BRAP: variants seen among roughly 807,000 people sequenced by gnomAD.
BRAP encodes the protein BRCA1 associated protein.
A neutral mutation model predicts 73.4 loss-of-function variants in BRAP; 42 were observed. The ratio of observed to expected loss-of-function variants is 0.57; its 90% CI spans 0.45 to 0.74. BRAP has a LOEUF of 0.74. BRAP is among the 30% of genes least tolerant of loss of function. The pLI is 0.00. For synonymous variants in BRAP, 255 were observed against 267.4 expected, an observed-to-expected ratio of 0.95 and a Z score of 0.45; for missense variants, 593 against 751.4, an observed-to-expected ratio of 0.79 and a Z score of 2.46.
intron 10 of BRAP, among the ~76,000 whole-genome samples, chr12:111,650,698 T>G (rs779017364): frequency 6.6e-6 from 1 of 152,210 alleles, no homozygotes; most frequent in Non-Finnish European, 1.5e-5. Context: ...TGACCTAATT[T>G]TTGTATTTTT....
In BRAP at chr12:111,643,542, G is replaced by C. The variant is rs890853280; in HGVS notation, c.*657C>G. The C allele has an allele frequency of 6.6e-6, 1 of 152,130 alleles. No individual in the cohort carries two copies. Among genetic ancestry groups the C allele is most frequent in the Non-Finnish European group, 1.5e-5 (1 of 68,036 alleles). The allele number at this position is 152,130 out of a possible 1,614,324, so 9.4% of individuals were successfully genotyped here. On this transcript the variant is annotated 3_prime_UTR_variant, in exon 12 of 12. Transcript: ENST00000419234. ...GCTGCCACCATTTTTCCTACACTGA[G>C]TCTACCCAATGTGCCCCGGGTTGTT...
intron 11 of BRAP, among the ~76,000 whole-genome samples, chr12:111,648,517 C>T (rs1886198411): frequency 6.9e-6 from 1 of 144,850 alleles, no homozygotes; most frequent in African/African-American, 2.6e-5. Flanking sequence ...GAGGCTGAGG[C>T]AGGAGAATCA....
At chr12:111,651,201 AGCAAGTCTC>A (rs1392600975) in intron 10 of BRAP, among the ~76,000 whole-genome samples, 2,194 of 151,134 alleles carry the variant, frequency 0.015, 65 homozygotes, top group African/African-American at 0.051. Context: ...CAGCCTGCCT[AGCAAGTCTC>A]TAATAGCACT....
Position 111,679,321 on chromosome 12 carries a change from CTTTT to C in BRAP, c.459_462del (p.Glu155MetfsTer17). On this transcript the variant is annotated frameshift_variant, in exon 4 of 12. Coordinates refer to ENST00000419234, the MANE Select transcript of BRAP (RefSeq NM_006768.5). LOFTEE classifies it high-confidence loss of function. ...AGCATGGCACTGCGCCGCACATCTT[CTTTT>C]AAGGAGGTCATCTTACTAACAAAAA... The C allele has an allele frequency of 1.9e-6, 3 of 1,542,976 alleles. No individual in the cohort carries two copies. The highest frequency in any genetic ancestry group is 2.6e-6 in the Non-Finnish European group (3 of 1,140,684).
chr12:111,644,689 C>A, intron 11 of BRAP, 127 bp from the exon 12 acceptor site: 1 of 1,380,394 alleles, frequency 7.2e-7, no homozygotes, highest in Non-Finnish European at 9.8e-7. Flanking sequence ...TTTCTCCCAT[C>A]GTGAGGGAGA....
At position 111,685,897 on chromosome 12, in the gene BRAP, T is replaced by C. The variant is rs554711092; in HGVS notation, c.-105A>G. On this transcript the variant is annotated 5_prime_UTR_variant, in exon 1 of 12. Coordinates refer to ENST00000419234, the MANE Select transcript of BRAP (RefSeq NM_006768.5). Reference sequence around the variant, plus strand: ...GCCGGCAGCGCCGCCACCACCTCAATGCAGTTGCCGCCGCCTCAGCAGCAG... The same window carrying C: ...GCCGGCAGCGCCGCCACCACCTCAACGCAGTTGCCGCCGCCTCAGCAGCAG... The C allele has an allele frequency of 1.1e-4, 75 of 665,244 alleles. No homozygotes were observed. The African/African-American group carries it at 1.2e-3, about 11-fold the overall frequency. The allele number at this position is 665,244 out of a possible 1,614,324, so 41.2% of individuals were successfully genotyped here.
intron 11 of BRAP, among the ~76,000 whole-genome samples, chr12:111,645,887 G>C (rs567028030): frequency 5.3e-5 from 8 of 152,252 alleles, no homozygotes; most frequent in African/African-American, 1.9e-4. Context: ...ATTTACAGGA[G>C]GCTGAAGCTG....
At chr12:111,658,990 A>T (rs1254435277) in intron 8 of BRAP, 145 bp from the exon 9 acceptor site, 1 of 790,664 alleles carries the variant, frequency 1.3e-6, no homozygotes, top group African/African-American at 1.8e-5. Flanking sequence ...TGAATTTTAG[A>T]GGGGAGGGAG....
In BRAP at chr12:111,650,028, C is replaced by A; in HGVS notation, c.1326G>T (p.Lys442Asn). ...TCTCAATTGTTTCTTTAAACTTGGT[C>A]TTCATGTTGTTAATCTGAAAGAGCA... ...KDTAEEINNM[K>N]TKFKETIEKC... Residue 442 changes from lysine to asparagine, a missense_variant, in exon 11 of 12, where the codon AAG becomes AAT. Transcript: ENST00000419234. The A allele has an allele frequency of 1.9e-6, 3 of 1,604,844 alleles. No individual in the cohort carries two copies. The South Asian group carries it at 3.3e-5, about 18-fold the overall frequency.
intron 5 of BRAP, among the ~76,000 whole-genome samples, chr12:111,667,719 A>AAAAAAAAAAAAAAAAAAAAAAAAAAAC (rs1887006543): frequency 6.7e-6 from 1 of 148,340 alleles, no homozygotes; most frequent in African/African-American, 2.5e-5. Context: ...AAAAAAAAAA[A>AAAAAAAAAAAAAAAAAAAAAAAAAAAC]AAGCTCATAC....
At chr12:111,653,806 T>C (rs1395776052) in intron 10 of BRAP, among the ~76,000 whole-genome samples, 1 of 152,200 alleles carries the variant, frequency 6.6e-6, no homozygotes, top group Non-Finnish European at 1.5e-5. Flanking sequence ...GCTTGCATCA[T>C]CCATTAACTT....
At chr12:111,651,301 A>C (rs1886314394) in intron 10 of BRAP, among the ~76,000 whole-genome samples, 1 of 152,002 alleles carries the variant, frequency 6.6e-6, no homozygotes, top group Non-Finnish European at 1.5e-5. Flanking sequence ...GCATTTTGGG[A>C]GGCCGAGACG....
At chr12:111,651,622 A>G (rs1421797196) in intron 10 of BRAP, among the ~76,000 whole-genome samples, 2 of 151,706 alleles carry the variant, frequency 1.3e-5, no homozygotes, top group Non-Finnish European at 2.9e-5. Context: ...AACATGGAAG[A>G]AAGATTTCTT....
intron 11 of BRAP, among the ~76,000 whole-genome samples, chr12:111,648,685 T>C (rs1191995674): frequency 6.6e-6 from 1 of 151,062 alleles, no homozygotes; most frequent in Non-Finnish European, 1.5e-5. Flanking sequence ...CCAAGCACTT[T>C]GGGAGGCCAA....
chr12:111,660,502 A>G lies in BRAP; in HGVS notation c.972+98T>C, dbSNP rs1886705514. Reference sequence around the variant, plus strand: ...TGTCTCTTAAAATAAAAAATAAAAAATAAATTAAAAATAAAGAACTTAAGT... The same window carrying G: ...TGTCTCTTAAAATAAAAAATAAAAAGTAAATTAAAAATAAAGAACTTAAGT... On this transcript the variant is annotated intron_variant, in intron 7 of 11. Coordinates refer to ENST00000419234, the MANE Select transcript of BRAP (RefSeq NM_006768.5). The G allele has an allele frequency of 2.1e-5, 22 of 1,062,584 alleles. No individual in the cohort carries two copies. In the South Asian group the frequency reaches 4.1e-4, roughly 20 times the overall value. 65.8% of individuals were successfully genotyped at this position (1,062,584 alleles called of 1,614,324 possible).
At position 111,643,981 on chromosome 12, in the gene BRAP, T is replaced by C; in HGVS notation, c.*218A>G. On this transcript the variant is annotated 3_prime_UTR_variant, in exon 12 of 12. Transcript: ENST00000419234. ...TCATTAGAATGTGAGGTTAGTGAAC[T>C]CTTAAGACCTTTTCGAACGCAGCGC... 3 of 664,582 alleles carry C rather than the reference T, an allele frequency of 4.5e-6. No homozygotes were observed. Among genetic ancestry groups the C allele is most frequent in the Non-Finnish European group, 7.1e-6 (3 of 420,136 alleles). The allele number at this position is 664,582 out of a possible 1,614,324, so 41.2% of individuals were successfully genotyped here. A position where few individuals can be genotyped will look rare whatever the true frequency, so the allele number is the denominator to read the frequency against.
rs750333898 is a variant in BRAP at position 111,679,326 on chromosome 12, A to G, written c.458T>C (p.Leu153Ser). The G allele has an allele frequency of 3.9e-6, 6 of 1,547,290 alleles. No homozygotes were observed. The highest frequency in any genetic ancestry group is 1.4e-5 in the African/African-American group (1 of 73,314). ...HLYKTNKMTS[L>S]KEDVRRSAML... ...GGCACTGCGCCGCACATCTTCTTTT[A>G]AGGAGGTCATCTTACTAACAAAAAA... Residue 153 changes from leucine (L) to serine (S), a missense_variant, in exon 4 of 12, where the codon TTA becomes TCA. Leu to Ser is a moderately radical substitution (Grantham distance 145). Around this residue, in one of 4 missense-constraint regions of BRAP, gnomAD observed 304 missense variants for 337.7 expected, o/e 0.90. Coordinates refer to ENST00000419234, the MANE Select transcript of BRAP (RefSeq NM_006768.5).
chr12:111,655,507 C>T lies in BRAP; in HGVS notation c.1311+59G>A, dbSNP rs1431362277. On this transcript the variant is annotated intron_variant, in intron 10 of 11. Transcript: ENST00000419234. ...TCCCTGTACTCTGCCTTCCACACCC[C>T]CCATCAGAGTGCCCTGCCATGTGTC... The T allele has an allele frequency of 1.1e-5, 15 of 1,362,676 alleles. No homozygotes were observed. In the East Asian group the frequency reaches 3.0e-4, roughly 27 times the overall value. The allele number at this position is 1,362,676 out of a possible 1,614,324, so 84.4% of individuals were successfully genotyped here.
chr12:111,666,024 T>C (rs967286308), intron 5 of BRAP, among the ~76,000 whole-genome samples: 2 of 152,198 alleles, frequency 1.3e-5, no homozygotes, highest in African/African-American at 4.8e-5. Flanking sequence ...CTTTTAATAA[T>C]AGTTTTCTAG....
Sources: gnomAD v4.1 joint callset for allele counts (sites outside exome capture counted in the v4.1 genomes callset) on GRCh38, gnomAD v4.1.1 for gene constraint, gnomAD v4.1.1 regional missense constraint, MANE v1.5 for transcripts, NCBI Gene and HGNC (gene_info 2026-07-23, HGNC 2026-07-21) for gene names.